Variants in CYRIA observed in about 807,000 individuals in gnomAD.
CYRIA encodes CYFIP-related Rac1 interactor A.
A neutral mutation model predicts 43.9 loss-of-function variants in CYRIA; 15 were observed. The observed-to-expected ratio is 0.34, with a 90% CI of 0.23 to 0.53. The LOEUF (loss-of-function observed/expected upper bound fraction) is 0.53. CYRIA is among the 20% of genes least tolerant of loss of function. The pLI, the probability that CYRIA is intolerant of heterozygous loss-of-function variation, is 0.94. For synonymous variants in CYRIA, 117 were observed against 136.0 expected (o/e 0.86, Z 0.97); for missense variants, 236 against 394.2 (o/e 0.60, Z 3.40).
intron 2 of CYRIA, among the ~76,000 whole-genome samples, chr2:16,611,761 G>A (rs1013334169): frequency 6.6e-6 from 1 of 151,910 alleles, no homozygotes; most frequent in Non-Finnish European, 1.5e-5. Context: ...CACGTACTGG[G>A]CGGAGGGGCG....
chr2:16,568,242 A>AAAAAAAAAAC (rs1667016616), intron 3 of CYRIA, among the ~76,000 whole-genome samples: 1 of 151,702 alleles, frequency 6.6e-6, no homozygotes, highest in African/African-American at 2.4e-5. Flanking sequence ...AAAAAAAAAA[A>AAAAAAAAAAC]AAAAAAACCC....
At chr2:16,629,924 T>G (rs1211376839) in intron 1 of CYRIA, among the ~76,000 whole-genome samples, 3 of 152,174 alleles carry the variant, frequency 2.0e-5, no homozygotes, top group Non-Finnish European at 4.4e-5. Context: ...CCACCCAGCA[T>G]GCAGCCTTCC....
chr2:16,612,759 G>A (rs1463055637), intron 2 of CYRIA, among the ~76,000 whole-genome samples: 4 of 152,196 alleles, frequency 2.6e-5, no homozygotes, highest in Non-Finnish European at 5.9e-5. Context: ...CCCACCAAGC[G>A]GAGGTGGATG....
At chr2:16,638,106 G>A (rs550224727) in intron 1 of CYRIA, among the ~76,000 whole-genome samples, 5 of 152,314 alleles carry the variant, frequency 3.3e-5, no homozygotes, top group African/African-American at 7.2e-5. Flanking sequence ...CACAGTTACC[G>A]AAGCCTACCT....
At chr2:16,602,364 A>T (rs1040739135) in intron 2 of CYRIA, among the ~76,000 whole-genome samples, 9 of 149,344 alleles carry the variant, frequency 6.0e-5, no homozygotes, top group African/African-American at 2.2e-4. Flanking sequence ...GACTCATCCA[A>T]TTTTTTTTTT....
intron 2 of CYRIA, among the ~76,000 whole-genome samples, chr2:16,623,576 A>T (rs1297925695): frequency 6.6e-6 from 1 of 152,214 alleles, no homozygotes; most frequent in East Asian, 1.9e-4. Context: ...ATGGGCAGAA[A>T]GGAACACTAA....
At chr2:16,619,360 T>C (rs1054820708) in intron 2 of CYRIA, among the ~76,000 whole-genome samples, 1 of 152,086 alleles carries the variant, frequency 6.6e-6, no homozygotes, top group Non-Finnish European at 1.5e-5. Context: ...CATAAAACCC[T>C]CTGTGTGTGT....
chr2:16,587,810 C>T (rs1479942163), intron 3 of CYRIA, among the ~76,000 whole-genome samples: 1 of 152,022 alleles, frequency 6.6e-6, no homozygotes, highest in Non-Finnish European at 1.5e-5. Context: ...GTAAGACGTC[C>T]CTTACTGTTC....
chr2:16,601,067 C>T (rs554026069), intron 2 of CYRIA, among the ~76,000 whole-genome samples: 10 of 152,058 alleles, frequency 6.6e-5, no homozygotes, highest in East Asian at 1.9e-4. Context: ...TGAATGAACA[C>T]GCTCATTTTT....
At chr2:16,588,252 G>A in intron 2 of CYRIA, 123 bp from the exon 3 acceptor site, 2 of 572,350 alleles carry the variant, frequency 3.5e-6, no homozygotes, top group South Asian at 2.7e-5. Context: ...CCAACCCAGG[G>A]GTTGAGCAAT....
intron 1 of CYRIA, among the ~76,000 whole-genome samples, chr2:16,631,865 C>G (rs1160594101): frequency 2.6e-5 from 4 of 152,190 alleles, no homozygotes; most frequent in African/African-American, 4.8e-5. Flanking sequence ...TAGAGTCAGT[C>G]TGGCTACAGT....
intron 1 of CYRIA, among the ~76,000 whole-genome samples, chr2:16,648,261 T>C (rs1033692443): frequency 1.3e-5 from 2 of 151,548 alleles, no homozygotes; most frequent in African/African-American, 2.4e-5. Context: ...TTGGTTCGGT[T>C]GTTTGTAAAT....
At chr2:16,575,454 A>T (rs959661531) in intron 3 of CYRIA, among the ~76,000 whole-genome samples, 14 of 152,096 alleles carry the variant, frequency 9.2e-5, no homozygotes, top group African/African-American at 3.4e-4. Flanking sequence ...GAATTCCCAC[A>T]TGTTGTGGGA....
chr2:16,660,033 T>G (rs1244142549), intron 1 of CYRIA, among the ~76,000 whole-genome samples: 1 of 152,094 alleles, frequency 6.6e-6, no homozygotes, highest in African/African-American at 2.4e-5. Flanking sequence ...AAAACAGGGC[T>G]TCTCGCCTCC....
In CYRIA at chr2:16,552,347, G is replaced by A. The variant is rs954702625; in HGVS notation, c.*589C>T. On this transcript the variant is annotated 3_prime_UTR_variant, in exon 12 of 12. Coordinates refer to ENST00000381323, the MANE Select transcript of CYRIA (RefSeq NM_030797.4). ...GTGAAATTAAAGGAGAACATTAGAG[G>A]GATATAAATCCAAACAGAAAAGGAG... The A allele has an allele frequency of 6.6e-6, 1 of 151,932 alleles. No individual in the cohort carries two copies. Among genetic ancestry groups the A allele is most frequent in the African/African-American group, 2.4e-5 (1 of 41,342 alleles). 9.4% of individuals were successfully genotyped at this position (151,932 alleles called of 1,614,324 possible). A position where few individuals can be genotyped will look rare whatever the true frequency, so the allele number is the denominator to read the frequency against.
intron 1 of CYRIA, among the ~76,000 whole-genome samples, chr2:16,663,120 C>T (rs1670306082): frequency 6.6e-6 from 1 of 152,178 alleles, no homozygotes; most frequent in African/African-American, 2.4e-5. Flanking sequence ...GACAGTGGTC[C>T]AGGGCTGTCT....
chr2:16,565,619 G>C (rs368832100), intron 4 of CYRIA, 27 bp downstream of exon 4: 35 of 1,525,558 alleles, frequency 2.3e-5, no homozygotes, highest in Non-Finnish European at 2.9e-5. Flanking sequence ...CTCGGGTGTT[G>C]TCAGTTCAGC....
intron 3 of CYRIA, among the ~76,000 whole-genome samples, chr2:16,575,918 C>G (rs1021866670): frequency 7.0e-6 from 1 of 143,796 alleles, no homozygotes; most frequent in African/African-American, 2.5e-5. Context: ...AAGAGCAGTT[C>G]CCCTGCACAA....
At chr2:16,640,812 A>T (rs1399553816) in intron 1 of CYRIA, among the ~76,000 whole-genome samples, 4 of 152,106 alleles carry the variant, frequency 2.6e-5, no homozygotes, top group Admixed American at 2.6e-4. Context: ...CTAAACACAG[A>T]AACTATGTTA....
Sources: allele counts gnomAD v4.1 joint callset (sites outside exome capture counted in the v4.1 genomes callset), GRCh38; gene constraint gnomAD v4.1.1; transcripts MANE v1.5; gene names NCBI Gene and HGNC (gene_info 2026-07-23, HGNC 2026-07-21).